The following MAGI2 variants were observed in gnomAD, a reference collection of about 807,000 sequenced individuals.
The protein encoded by MAGI2 is membrane associated guanylate kinase, WW and PDZ domain containing 2.
Under a neutral mutation model 133.3 loss-of-function variants are expected in MAGI2, and 35 were observed. That is an observed-to-expected ratio of 0.26 (90% confidence interval 0.20 to 0.35). The LOEUF is 0.35. MAGI2 is among the 10% of genes least tolerant of loss of function. The pLI is 1.00. For missense variants in MAGI2, 1,636 were observed against 1,863.4 expected (o/e 0.88, Z 2.25); for synonymous variants, 729 against 710.6 (o/e 1.03, Z -0.41).
chr7:78,208,690 G>T (rs1787379244), intron 10 of MAGI2, among the ~76,000 whole-genome samples: 1 of 28,956 alleles, frequency 3.5e-5, no homozygotes, highest in African/African-American at 8.1e-5. Context: ...TGAATGTATA[G>T]CATTTTTTTT....
At chr7:78,904,159 A>G (rs1797827804) in intron 2 of MAGI2, 2 of 152,198 alleles carry the variant, frequency 1.3e-5, no homozygotes, top group Non-Finnish European at 1.5e-5. Flanking sequence ...CTAAGTGTAG[A>G]AGAAAGATAA....
intron 1 of MAGI2, among the ~76,000 whole-genome samples, chr7:79,374,031 A>G (rs1843219566): frequency 6.6e-6 from 1 of 152,088 alleles, no homozygotes; most frequent in South Asian, 2.1e-4. Context: ...TCTTCAAGAC[A>G]TATAACTAGG....
intron 7 of MAGI2, among the ~76,000 whole-genome samples, chr7:78,353,725 T>G (rs897880851): frequency 6.6e-6 from 1 of 151,692 alleles, no homozygotes. Context: ...AGGAAGAGAG[T>G]AGTAGATATA....
chr7:78,372,061 G>C (rs144788135), intron 6 of MAGI2, among the ~76,000 whole-genome samples: 3 of 151,652 alleles, frequency 2.0e-5, no homozygotes, highest in African/African-American at 7.3e-5. Context: ...TGTTTAAAAA[G>C]TTGTATGTAT....
At chr7:78,833,876 C>A (rs1428389251) in intron 2 of MAGI2, among the ~76,000 whole-genome samples, 2 of 152,098 alleles carry the variant, frequency 1.3e-5, no homozygotes, top group Non-Finnish European at 2.9e-5. Context: ...CTGTTAGGAA[C>A]AATTTTGTTA....
At chr7:78,193,885 G>T (rs183395472) in intron 12 of MAGI2, among the ~76,000 whole-genome samples, 2 of 152,316 alleles carry the variant, frequency 1.3e-5, no homozygotes, top group East Asian at 1.9e-4. Flanking sequence ...ATAGGGAAAA[G>T]GTATTATGTC....
At chr7:78,839,430 ATAAT>A (rs1486896522) in intron 2 of MAGI2, among the ~76,000 whole-genome samples, 1 of 152,094 alleles carries the variant, frequency 6.6e-6, no homozygotes, top group Non-Finnish European at 1.5e-5. Context: ...AAATGGTCAA[ATAAT>A]TAAGGACTTA....
intron 1 of MAGI2, among the ~76,000 whole-genome samples, chr7:79,094,242 C>G (rs1359589673): frequency 6.6e-6 from 1 of 152,196 alleles, no homozygotes; most frequent in African/African-American, 2.4e-5. Flanking sequence ...GCAGTAGAAT[C>G]CATCTCAAGA....
At chr7:78,862,860 A>T (rs940067458) in intron 2 of MAGI2, among the ~76,000 whole-genome samples, 2 of 152,238 alleles carry the variant, frequency 1.3e-5, no homozygotes, top group African/African-American at 4.8e-5. Flanking sequence ...TTACTAGAAG[A>T]TGCCTAGAAT....
intron 1 of MAGI2, among the ~76,000 whole-genome samples, chr7:79,135,812 A>G (rs1821348539): frequency 6.6e-6 from 1 of 150,994 alleles, no homozygotes; most frequent in Non-Finnish European, 1.5e-5. Context: ...GTGGTGGCAT[A>G]CTCCTGTAGT....
At chr7:78,373,452 G>C (rs1292975606) in intron 6 of MAGI2, among the ~76,000 whole-genome samples, 1 of 152,154 alleles carries the variant, frequency 6.6e-6, no homozygotes, top group African/African-American at 2.4e-5. Flanking sequence ...CAGCTAAGTG[G>C]GAGTTATGGG....
At chr7:78,710,154 A>G (rs537142320) in intron 2 of MAGI2, among the ~76,000 whole-genome samples, 5 of 152,318 alleles carry the variant, frequency 3.3e-5, no homozygotes, top group African/African-American at 1.2e-4. Context: ...TACTAAGTAC[A>G]TATTACATTA....
chr7:78,121,232 A>AT (rs2150498669), intron 20 of MAGI2, among the ~76,000 whole-genome samples: 1 of 57,568 alleles, frequency 1.7e-5, no homozygotes, highest in African/African-American at 5.9e-5. Flanking sequence ...CAGAAACTAT[A>AT]AAAAAAAAAA....
chr7:78,772,213 C>T (rs575220911), intron 2 of MAGI2, among the ~76,000 whole-genome samples: 84 of 152,142 alleles, frequency 5.5e-4, no homozygotes, highest in African/African-American at 1.8e-3. Context: ...AGAAAAGATA[C>T]GTAATCTGCT....
intron 1 of MAGI2, chr7:79,125,661 C>T (rs1820349771): frequency 1.9e-6 from 1 of 529,282 alleles, no homozygotes; most frequent in African/African-American, 1.9e-5. Flanking sequence ...TTACAACAAT[C>T]AATCTTTAAA....
At chr7:78,352,858 G>T (rs1791663795) in intron 7 of MAGI2, 2 of 152,118 alleles carry the variant, frequency 1.3e-5, no homozygotes, top group South Asian at 4.2e-4. Flanking sequence ...TATAAAGGAA[G>T]ATTCATCACT....
chr7:78,602,760 A>G (rs1422975242), intron 3 of MAGI2, among the ~76,000 whole-genome samples: 1 of 152,242 alleles, frequency 6.6e-6, no homozygotes, highest in Non-Finnish European at 1.5e-5. Flanking sequence ...AATGCTTATT[A>G]TGATCATTTA....
intron 1 of MAGI2, among the ~76,000 whole-genome samples, chr7:79,143,173 A>G (rs1822292388): frequency 6.6e-6 from 1 of 152,210 alleles, no homozygotes; most frequent in Non-Finnish European, 1.5e-5. Flanking sequence ...CACTCTCTAG[A>G]TAAAAACATT....
intron 20 of MAGI2, among the ~76,000 whole-genome samples, chr7:78,084,666 G>A (rs887225136): frequency 6.6e-6 from 1 of 152,216 alleles, no homozygotes; most frequent in South Asian, 2.1e-4. Flanking sequence ...TGCTAGGATT[G>A]AGAGTAAGAG....
Sources: gnomAD v4.1 joint callset for allele counts (sites outside exome capture counted in the v4.1 genomes callset) on GRCh38, gnomAD v4.1.1 for gene constraint, MANE v1.5 for transcripts, NCBI Gene and HGNC (gene_info 2026-07-23, HGNC 2026-07-21) for gene names.